The following TRIM23 variants were observed in gnomAD, a reference collection of about 807,000 sequenced individuals.
The protein encoded by TRIM23 is tripartite motif containing 23.
TRIM23 carries 27 observed loss-of-function variants against 71.0 expected under a neutral mutation model. That is an observed-to-expected ratio of 0.38 (90% CI 0.28 to 0.52). TRIM23 has a LOEUF of 0.52. Among genes scored for constraint, TRIM23 ranks in the 20% least tolerant of loss-of-function variants. The pLI is 0.84. For synonymous variants in TRIM23, 234 were observed against 238.0 expected (o/e 0.98, Z 0.16); for missense variants, 482 against 692.3 (o/e 0.70, Z 3.41).
intron 7 of TRIM23, among the ~76,000 whole-genome samples, chr5:65,602,580 C>T (rs951091263): frequency 2.0e-5 from 3 of 152,160 alleles, no homozygotes; most frequent in Admixed American, 6.5e-5. Context: ...AGCATCGCCT[C>T]ACTCTACTGG....
At chr5:65,612,979 T>C (rs1254055671) in intron 3 of TRIM23, among the ~76,000 whole-genome samples, 1 of 152,192 alleles carries the variant, frequency 6.6e-6, no homozygotes, top group Non-Finnish European at 1.5e-5. Flanking sequence ...TTTTGAACAC[T>C]TTTACTCAAT....
intron 2 of TRIM23, among the ~76,000 whole-genome samples, chr5:65,615,049 C>A (rs977481767): frequency 7.9e-5 from 12 of 151,900 alleles, no homozygotes; most frequent in African/African-American, 2.9e-4. Context: ...AGGTGTGTGC[C>A]ACTATGCCCA....
chr5:65,595,420 T>A (rs893963716), intron 9 of TRIM23, among the ~76,000 whole-genome samples: 5 of 151,994 alleles, frequency 3.3e-5, no homozygotes, highest in African/African-American at 1.2e-4. Flanking sequence ...TAGCCAGGCA[T>A]GGTGGTGGGC....
At chr5:65,618,287 A>C in intron 1 of TRIM23, 32 bp from the exon 2 acceptor site, 3 of 1,574,414 alleles carry the variant, frequency 1.9e-6, no homozygotes, top group Non-Finnish European at 1.7e-6. Flanking sequence ...TGTGCTCTTT[A>C]AACAATTTTA....
chr5:65,615,633 C>A (rs1754758306), intron 2 of TRIM23, among the ~76,000 whole-genome samples: 1 of 152,064 alleles, frequency 6.6e-6, no homozygotes, highest in African/African-American at 2.4e-5. Flanking sequence ...ATTTTTAACA[C>A]ATATTCTACA....
At chr5:65,596,946 GAA>G (rs1754224989) in intron 8 of TRIM23, 103 bp downstream of exon 8, 1 of 1,424,984 alleles carries the variant, frequency 7.0e-7, no homozygotes, top group African/African-American at 1.4e-5. Context: ...CTTAGAGCCA[GAA>G]AAGAGCCCAC....
At chr5:65,602,800 C>T (rs1422230859) in intron 7 of TRIM23, among the ~76,000 whole-genome samples, 1 of 152,122 alleles carries the variant, frequency 6.6e-6, no homozygotes, top group Non-Finnish European at 1.5e-5. Context: ...AGCCCATTAG[C>T]TCTCATGAGA....
Position 65,597,615 on chromosome 5 carries a change from A to C in TRIM23, c.1180-435T>G, listed in dbSNP as rs183162954. On this transcript the variant is annotated intron_variant, in intron 7 of 10. Transcript: ENST00000231524. ...CTGGCCAACATACACAAACAAAACAAATTTTTTTTTAAAAAAGTATTACCC... is the reference window on the plus strand; with the variant it reads ...CTGGCCAACATACACAAACAAAACACATTTTTTTTTAAAAAAGTATTACCC... 3.5e-3 allele frequency among the ~76,000 whole-genome samples: 507 copies of C among 144,514 alleles called. 3 individuals are homozygous for C. Among genetic ancestry groups the C allele is most frequent in the African/African-American group, 0.012 (487 of 41,252 alleles). 94.8% of individuals were successfully genotyped at this position (144,514 alleles called of 152,430 possible).
chr5:65,592,292 C>A (rs1459390099), intron 10 of TRIM23, among the ~76,000 whole-genome samples: 3 of 152,122 alleles, frequency 2.0e-5, no homozygotes, highest in Non-Finnish European at 4.4e-5. Flanking sequence ...GTGACATGAT[C>A]TTGGCTCACT....
intron 1 of TRIM23, among the ~76,000 whole-genome samples, chr5:65,623,476 G>C (rs770500964): frequency 6.6e-6 from 1 of 152,218 alleles, no homozygotes; most frequent in Non-Finnish European, 1.5e-5. Flanking sequence ...AGGGAAAAAT[G>C]AGTGCCACAT....
intron 4 of TRIM23, 113 bp from the exon 5 acceptor site, chr5:65,611,156 G>C (rs1411017684): frequency 1.1e-6 from 1 of 941,376 alleles, no homozygotes; most frequent in Non-Finnish European, 1.5e-6. Context: ...TGACTTTTAT[G>C]ACACAGAAAA....
At chr5:65,619,682 TG>T (rs1754873063) in intron 1 of TRIM23, among the ~76,000 whole-genome samples, 1 of 152,164 alleles carries the variant, frequency 6.6e-6, no homozygotes, top group South Asian at 2.1e-4. Context: ...AATAAGGGTT[TG>T]GGAAGATAAA....
At chr5:65,617,123 G>A (rs1266434618) in intron 2 of TRIM23, among the ~76,000 whole-genome samples, 2 of 152,146 alleles carry the variant, frequency 1.3e-5, no homozygotes, top group Non-Finnish European at 2.9e-5. Flanking sequence ...ATTATTTCTT[G>A]GCTACTGGTA....
chr5:65,590,844 C>T lies in TRIM23; in HGVS notation c.*925G>A, dbSNP rs1754000934. On this transcript the variant is annotated 3_prime_UTR_variant, in exon 11 of 11. Coordinates refer to ENST00000231524, the MANE Select transcript of TRIM23 (RefSeq NM_001656.4). Reference sequence around the variant, plus strand: ...TGTACTTACAACTTCTCTTGAAGTTCGCTTTCTATTTAGGTCACTAGCTTT... The same window carrying T: ...TGTACTTACAACTTCTCTTGAAGTTTGCTTTCTATTTAGGTCACTAGCTTT... 1.0e-5 allele frequency: 10 copies of T among 985,246 alleles called. No individual in the cohort carries two copies. Among genetic ancestry groups the T allele is most frequent in the African/African-American group, 3.5e-5 (2 of 57,198 alleles). 61.0% of individuals were successfully genotyped at this position (985,246 alleles called of 1,614,324 possible).
At position 65,590,393 on chromosome 5, in the gene TRIM23, A is replaced by G. The variant is rs553048971; in HGVS notation, c.*1376T>C. 5.1e-5 allele frequency: 74 copies of G among 1,446,558 alleles called. 1 individual carries two copies. The East Asian group carries it at 1.1e-3, about 21-fold the overall frequency. 89.6% of individuals were successfully genotyped at this position (1,446,558 alleles called of 1,614,324 possible). On this transcript the variant is annotated 3_prime_UTR_variant, in exon 11 of 11. Coordinates refer to ENST00000231524, the MANE Select transcript of TRIM23 (RefSeq NM_001656.4). ...TTTTTTTTAATGCTTTGTTTTCTAA[A>G]ACTTGTATTGTTTTTAAACAAAAAT...
intron 1 of TRIM23, among the ~76,000 whole-genome samples, chr5:65,618,838 T>C (rs143600364): frequency 6.6e-6 from 1 of 152,326 alleles, no homozygotes; most frequent in East Asian, 1.9e-4. Flanking sequence ...TCTCTATCAA[T>C]AAATATAGCT....
At position 65,590,061 on chromosome 5, in the gene TRIM23, TGTTCA is replaced by T; in HGVS notation, c.*1703_*1707del. The T allele has an allele frequency of 2.7e-6, 1 of 365,766 alleles. No homozygotes were observed. 22.7% of individuals were successfully genotyped at this position (365,766 alleles called of 1,614,324 possible). On this transcript the variant is annotated 3_prime_UTR_variant, in exon 11 of 11. Transcript: ENST00000231524. ...ATAATCAGGCACAATTTTTCAACTG[TGTTCA>T]GTTATATGCTAAGAATGTGCATTAC...
chr5:65,597,323 CAAG>C, intron 7 of TRIM23, 143 bp from the exon 8 acceptor site: 1 of 952,270 alleles, frequency 1.1e-6, no homozygotes, highest in Non-Finnish European at 1.5e-6. Context: ...AGTCTGATCT[CAAG>C]AAGATGAAAT....
rs946134266 is a variant in TRIM23 at position 65,590,235 on chromosome 5, T to C, written c.*1534A>G. The C allele has an allele frequency of 6.0e-6, 6 of 1,001,838 alleles. No homozygotes were observed. The African/African-American group carries it at 9.9e-5, about 17-fold the overall frequency. The allele number at this position is 1,001,838 out of a possible 1,614,324, so 62.1% of individuals were successfully genotyped here. ...CACAGTTATTGAAATCAGTCAAATATTAAATAATTTAATTCGGAAGTATTA... is the reference window on the plus strand; with the variant it reads ...CACAGTTATTGAAATCAGTCAAATACTAAATAATTTAATTCGGAAGTATTA... On this transcript the variant is annotated 3_prime_UTR_variant, in exon 11 of 11. Coordinates refer to ENST00000231524, the MANE Select transcript of TRIM23 (RefSeq NM_001656.4).
Sources: gnomAD v4.1 joint callset for allele counts (sites outside exome capture counted in the v4.1 genomes callset) on GRCh38, gnomAD v4.1.1 for gene constraint, MANE v1.5 for transcripts, NCBI Gene and HGNC (gene_info 2026-07-23, HGNC 2026-07-21) for gene names.